CCDC169: variants seen among roughly 807,000 people sequenced by gnomAD.
CCDC169 encodes coiled-coil domain containing 169, also known as coiled-coil domain-containing protein 169.
Under a neutral mutation model 36.0 loss-of-function variants are expected in CCDC169, and 30 were observed. The observed-to-expected ratio is 0.83, with a 90% CI of 0.62 to 1.13. CCDC169 has a LOEUF of 1.13. Among genes scored for constraint, CCDC169 ranks in the 50% most tolerant of loss-of-function variants. The probability of loss-of-function intolerance (pLI) is 0.00; values close to 1 mark genes in which losing one functional copy is unlikely to be tolerated. For missense variants in CCDC169, 245 were observed against 245.9 expected (o/e 1.00, Z 0.03); for synonymous variants, 85 against 81.5 (o/e 1.04, Z -0.23).
chr13:36,236,467 C>T (rs188133068), intron 7 of CCDC169, among the ~76,000 whole-genome samples: 47 of 151,972 alleles, frequency 3.1e-4, no homozygotes, highest in South Asian at 2.3e-3. Context: ...TGAAACTGGA[C>T]GCCTACCTCA....
intron 4 of CCDC169, among the ~76,000 whole-genome samples, chr13:36,274,832 C>A (rs1312306665): frequency 6.7e-6 from 1 of 150,294 alleles, no homozygotes; most frequent in African/African-American, 2.4e-5. Context: ...AGTCCCTCAC[C>A]TCTATCCAAA....
chr13:36,242,030 C>G (rs1871889911), intron 7 of CCDC169, among the ~76,000 whole-genome samples: 1 of 152,120 alleles, frequency 6.6e-6, no homozygotes, highest in Non-Finnish European at 1.5e-5. Flanking sequence ...ACTTGCTTCC[C>G]CTTCGCCCTT....
chr13:36,268,334 C>T (rs1278261813), intron 4 of CCDC169, among the ~76,000 whole-genome samples: 3 of 152,090 alleles, frequency 2.0e-5, no homozygotes, highest in Admixed American at 6.5e-5. Flanking sequence ...CAGAACTATA[C>T]AAATACATGC....
intron 2 of CCDC169, among the ~76,000 whole-genome samples, chr13:36,292,241 G>A (rs9531728): frequency 0.25 from 38,361 of 151,840 alleles, 5,091 homozygotes; most frequent in East Asian, 0.49. Flanking sequence ...TGATCTGCCT[G>A]CCTTGGCCTC....
At chr13:36,225,751 A>G (rs898470451), downstream of CCDC169, 3 of 152,288 alleles carry the variant, frequency 2.0e-5, no homozygotes, top group African/African-American at 7.2e-5. Context: ...CAAGCAAAAA[A>G]TAACCCCATT....
At chr13:36,267,896 A>G (rs991667235) in intron 4 of CCDC169, among the ~76,000 whole-genome samples, 2 of 152,306 alleles carry the variant, frequency 1.3e-5, no homozygotes, top group South Asian at 4.1e-4. Flanking sequence ...CAATTCAACA[A>G]GAAGATATTT....
downstream of CCDC169, among the ~76,000 whole-genome samples, chr13:36,228,184 G>A (rs778805278): frequency 1.1e-4 from 16 of 152,088 alleles, no homozygotes; most frequent in Admixed American, 3.3e-4. Context: ...GGCATATACC[G>A]AAGAGACTTG....
chr13:36,255,121 G>A (rs751518), intron 4 of CCDC169, among the ~76,000 whole-genome samples: 61,618 of 152,028 alleles, frequency 0.41, 13,278 homozygotes, highest in Non-Finnish European at 0.48. Context: ...GGGTCTTGCT[G>A]TGAAAACTGG....
intron 6 of CCDC169, among the ~76,000 whole-genome samples, chr13:36,251,554 T>TA (rs5802813): frequency 2.0e-5 from 3 of 151,838 alleles, no homozygotes; most frequent in Non-Finnish European, 2.9e-5. Flanking sequence ...CTTTTAACCT[T>TA]AAAAAAAATC....
At chr13:36,267,374 A>G (rs1449541433) in intron 4 of CCDC169, 1 of 152,260 alleles carries the variant, frequency 6.6e-6, no homozygotes, top group Non-Finnish European at 1.5e-5. Flanking sequence ...TCATAAATGA[A>G]GGAGAAATAA....
chr13:36,282,770 G>C (rs1877693384), intron 4 of CCDC169: 1 of 155,430 alleles, frequency 6.4e-6, no homozygotes, highest in Non-Finnish European at 1.4e-5. Flanking sequence ...ATATGTTCCA[G>C]AGTCTCAGGT....
chr13:36,285,614 G>GATAGATACATAGATAC (rs1555254466), intron 2 of CCDC169, among the ~76,000 whole-genome samples: 3,832 of 137,986 alleles, frequency 0.028, 97 homozygotes, highest in Non-Finnish European at 0.035. Flanking sequence ...TAGATAGATA[G>GATAGATACATAGATAC]ATAGATACAT....
chr13:36,238,518 AG>A (rs1293908950), intron 7 of CCDC169, among the ~76,000 whole-genome samples: 1 of 152,166 alleles, frequency 6.6e-6, no homozygotes, highest in Non-Finnish European at 1.5e-5. Flanking sequence ...AATTTTCTTT[AG>A]TTTATTAATC....
rs561375868 is a variant in CCDC169 at position 36,232,083 on chromosome 13, C to T, written c.546-791G>A. Among the ~76,000 whole-genome samples the T allele has an allele frequency of 1.2e-4, 19 of 152,232 alleles. No individual in the cohort carries two copies. The East Asian group carries it at 1.7e-3, about 14-fold the overall frequency. ...ATAAAATAACAACAACAGCAACAAA[C>T]GGCTGAAACTTCGAACACTGAGCTT... On this transcript the variant is annotated intron_variant, in intron 7 of 7. Coordinates refer to ENST00000239859, the MANE Select transcript of CCDC169 (RefSeq NM_001144981.3).
chr13:36,292,366 T>TA (rs1348547224), intron 2 of CCDC169, among the ~76,000 whole-genome samples: 1 of 152,058 alleles, frequency 6.6e-6, no homozygotes, highest in Non-Finnish European at 1.5e-5. Context: ...TCAATTTTTT[T>TA]AAAAAACGTA....
intron 4 of CCDC169, chr13:36,283,186 AAC>A (rs1877748788): frequency 2.7e-6 from 1 of 366,908 alleles, no homozygotes; most frequent in Admixed American, 4.4e-5. Flanking sequence ...TATTAGCAAA[AAC>A]ACAGTATTTG....
At chr13:36,242,834 T>C (rs577860897) in intron 7 of CCDC169, among the ~76,000 whole-genome samples, 24 of 152,246 alleles carry the variant, frequency 1.6e-4, no homozygotes, top group African/African-American at 5.3e-4. Context: ...TTCAGACCTG[T>C]GGTGTGGAGG....
At chr13:36,297,312 C>G (rs532885219) in intron 1 of CCDC169, among the ~76,000 whole-genome samples, 1 of 151,850 alleles carries the variant, frequency 6.6e-6, no homozygotes. Flanking sequence ...GAATTTTAAG[C>G]AGAAAACCTG....
intron 4 of CCDC169, among the ~76,000 whole-genome samples, chr13:36,258,381 C>G (rs1259735914): frequency 6.6e-6 from 1 of 152,006 alleles, no homozygotes. Flanking sequence ...GGCTGCATTC[C>G]CAGGAAGTTA....
Sources: gnomAD v4.1 joint callset for allele counts (sites outside exome capture counted in the v4.1 genomes callset) on GRCh38, gnomAD v4.1.1 for gene constraint, MANE v1.5 for transcripts, NCBI Gene and HGNC (gene_info 2026-07-23, HGNC 2026-07-21) for gene names.